Variants in SMIM22 observed in about 807,000 individuals in gnomAD.
The protein encoded by SMIM22 is small integral membrane protein 22.
Under a neutral mutation model 8.4 loss-of-function variants are expected in SMIM22, and 16 were observed. The ratio of observed to expected loss-of-function variants is 1.90; its 90% confidence interval spans 1.29 to 2.89. The LOEUF is 2.89. Ranked by LOEUF, SMIM22 falls within the 30% of genes most tolerant of loss-of-function variation. The pLI is 0.00. For synonymous variants in SMIM22, 67 were observed against 47.6 expected (o/e 1.41, Z -1.68); for missense variants, 159 against 107.5 (o/e 1.48, Z -2.12).
At chr16:4,791,786 C>G (rs1387413942), upstream of SMIM22, among the ~76,000 whole-genome samples, 2 of 152,092 alleles carry the variant, frequency 1.3e-5, no homozygotes, top group South Asian at 2.1e-4. Flanking sequence ...CTCCCGGGTT[C>G]AAGTGATTCT....
chr16:4,794,235 G>C (rs566746485), upstream of SMIM22, among the ~76,000 whole-genome samples: 1 of 152,156 alleles, frequency 6.6e-6, no homozygotes, highest in African/African-American at 2.4e-5. Context: ...AGCCTCCTGA[G>C]TAGTTGGGAC....
At position 4,796,407 on chromosome 16, in the gene SMIM22, T is replaced by G. The variant is rs919846147; in HGVS notation, c.*176T>G. 2 of 723,558 alleles carry G rather than the reference T, an allele frequency of 2.8e-6. No homozygotes were observed. The highest frequency in any genetic ancestry group is 4.5e-6 in the Non-Finnish European group (2 of 448,278). The allele number at this position is 723,558 out of a possible 1,614,324, so 44.8% of individuals were successfully genotyped here. A position where few individuals can be genotyped will look rare whatever the true frequency, so the allele number is the denominator to read the frequency against. On this transcript the variant is annotated 3_prime_UTR_variant, in exon 4 of 4. Transcript: ENST00000586005. Reference sequence around the variant, plus strand: ...CACGACTGTGCCAGGTCATCCTCAGTCACCTAGCTGGGAGGGGAGCTGGTC... The same window carrying G: ...CACGACTGTGCCAGGTCATCCTCAGGCACCTAGCTGGGAGGGGAGCTGGTC...
At chr16:4,795,539 A>G in intron 1 of SMIM22, 90 bp downstream of exon 1, 2 of 730,638 alleles carry the variant, frequency 2.7e-6, no homozygotes, top group Non-Finnish European at 4.2e-6. Context: ...TAAGGACCAC[A>G]GGGCTGGGCA....
At chr16:4,792,304 C>T (rs1454396009), upstream of SMIM22, among the ~76,000 whole-genome samples, 1 of 151,740 alleles carries the variant, frequency 6.6e-6, no homozygotes, top group Admixed American at 6.5e-5. Flanking sequence ...CATTCTCCTG[C>T]CTCAGCCTCC....
chr16:4,788,610 G>T (rs1172315751), intron 1 of SMIM22: 1 of 152,204 alleles, frequency 6.6e-6, no homozygotes, highest in Admixed American at 6.5e-5. Context: ...CAGCTGGCTA[G>T]CGGGATATCC....
chr16:4,789,967 T>C (rs2082526557), intron 2 of SMIM22: 1 of 151,436 alleles, frequency 6.6e-6, no homozygotes. Flanking sequence ...CAAGTTGGAG[T>C]GCAGAGGCAC....
chr16:4,794,709 T>C (rs2082605571), upstream of SMIM22, among the ~76,000 whole-genome samples: 1 of 152,098 alleles, frequency 6.6e-6, no homozygotes, highest in Admixed American at 6.6e-5. Flanking sequence ...CGTGAGCCAC[T>C]GCGCCCGGCC....
chr16:4,791,138 G>A (rs1320383068), upstream of SMIM22, among the ~76,000 whole-genome samples: 1 of 152,246 alleles, frequency 6.6e-6, no homozygotes, highest in Non-Finnish European at 1.5e-5. Flanking sequence ...ATCCTCCCAT[G>A]TGAGCGATGG....
intron 1 of SMIM22, 128 bp downstream of exon 1, chr16:4,795,577 G>A (rs1596271006): frequency 1.9e-6 from 2 of 1,077,460 alleles, no homozygotes; most frequent in Middle Eastern, 3.1e-4. Flanking sequence ...TGGGGCCGAG[G>A]GAGAAGTGGA....
intron 1 of SMIM22, 78 bp from the exon 2 acceptor site, chr16:4,795,637 G>C: frequency 1.4e-6 from 2 of 1,471,098 alleles, no homozygotes; most frequent in Non-Finnish European, 9.0e-7. Flanking sequence ...GGCAGTGGCT[G>C]GGCTGTGGGA....
At position 4,796,331 on chromosome 16, in the gene SMIM22, A is replaced by T; in HGVS notation, c.*100A>T. 5.0e-6 allele frequency: 7 copies of T among 1,412,480 alleles called. No individual in the cohort carries two copies. Among genetic ancestry groups the T allele is most frequent in the Non-Finnish European group, 6.6e-6 (7 of 1,052,736 alleles). 87.5% of individuals were successfully genotyped at this position (1,412,480 alleles called of 1,614,324 possible). On this transcript the variant is annotated 3_prime_UTR_variant, in exon 4 of 4. Transcript: ENST00000586005. ...TCCCCGTCTGGGTGGGTGACGCGGG[A>T]CTCGCCGCCCCACTCAGGTGGCCAC...
At position 4,795,619 on chromosome 16, in the gene SMIM22, CAG is replaced by C; in HGVS notation, c.-20-95_-20-94del. 6.3e-6 allele frequency: 9 copies of C among 1,419,824 alleles called. No homozygotes were observed. In the Admixed American group the frequency reaches 9.8e-5, roughly 16 times the overall value. 88.0% of individuals were successfully genotyped at this position (1,419,824 alleles called of 1,614,324 possible). A position where few individuals can be genotyped will look rare whatever the true frequency, so the allele number is the denominator to read the frequency against. On this transcript the variant is annotated intron_variant, in intron 1 of 3. Coordinates refer to ENST00000586005, the MANE Select transcript of SMIM22 (RefSeq NM_001253794.2). Reference sequence around the variant, plus strand: ...GGGGGTGGGGAAGCTGGCGCTGGGCCAGGAGCGGGCAGTGGCTGGGCTGTGGG... The same window carrying C: ...GGGGGTGGGGAAGCTGGCGCTGGGCCGAGCGGGCAGTGGCTGGGCTGTGGG...
chr16:4,791,481 G>C (rs905217015), upstream of SMIM22, among the ~76,000 whole-genome samples: 4 of 152,136 alleles, frequency 2.6e-5, no homozygotes, highest in African/African-American at 9.7e-5. Flanking sequence ...ACTGGGAGGA[G>C]GTGGATACTA....
upstream of SMIM22, among the ~76,000 whole-genome samples, chr16:4,792,534 G>A (rs2082568134): frequency 2.0e-5 from 3 of 148,696 alleles, no homozygotes; most frequent in African/African-American, 7.3e-5. Flanking sequence ...GGGCGCGGTG[G>A]ATCATGCCTG....
chr16:4,794,919 G>A (rs1414590941), upstream of SMIM22: 1 of 152,298 alleles, frequency 6.6e-6, no homozygotes, highest in Non-Finnish European at 1.5e-5. Context: ...ATATGCACAG[G>A]TTATATGCAA....
At chr16:4,793,161 A>G (rs1006956973), upstream of SMIM22, among the ~76,000 whole-genome samples, 1 of 149,082 alleles carries the variant, frequency 6.7e-6, no homozygotes, top group African/African-American at 2.5e-5. Flanking sequence ...TCAGAGGAGG[A>G]GACGTGAGCC....
At chr16:4,794,092 C>T (rs1396054503), upstream of SMIM22, among the ~76,000 whole-genome samples, 1 of 151,020 alleles carries the variant, frequency 6.6e-6, no homozygotes, top group Admixed American at 6.6e-5. Context: ...CCCGCCACCA[C>T]AGCGGGGTAA....
intron 1 of SMIM22, 31 bp from the exon 2 acceptor site, chr16:4,795,684 T>G: frequency 6.5e-7 from 1 of 1,529,076 alleles, no homozygotes; most frequent in African/African-American, 1.4e-5. Flanking sequence ...GAGCCCAGGA[T>G]CCTGATGCAG....
At chr16:4,795,485 A>G (rs866564302) in intron 1 of SMIM22, 36 bp downstream of exon 1, 10 of 516,072 alleles carry the variant, frequency 1.9e-5, no homozygotes, top group East Asian at 7.3e-5. Context: ...TGCCAGGGGG[A>G]GAGAGAGGGG....
Sources: allele counts gnomAD v4.1 joint callset (sites outside exome capture counted in the v4.1 genomes callset), GRCh38; gene constraint gnomAD v4.1.1; transcripts MANE v1.5; gene names NCBI Gene and HGNC (gene_info 2026-07-23, HGNC 2026-07-21).